Variants in CREB5 observed in about 807,000 individuals in gnomAD.
CREB5 encodes cAMP responsive element binding protein 5.
CREB5 carries 19 observed loss-of-function variants against 57.1 expected under a neutral mutation model. That is an observed-to-expected ratio of 0.33 (90% CI 0.23 to 0.49). The LOEUF (loss-of-function observed/expected upper bound fraction) is 0.49, where lower values mean the gene tolerates loss of function less well. Ranked by LOEUF, CREB5 falls within the 20% of genes least tolerant of loss-of-function variation. The pLI is 0.99. For synonymous variants in CREB5, 238 were observed against 238.3 expected (o/e 1.00, Z 0.01); for missense variants, 579 against 671.6 (o/e 0.86, Z 1.52).
intron 4 of CREB5, among the ~76,000 whole-genome samples, chr7:28,554,849 G>A (rs1257222588): frequency 1.3e-5 from 2 of 152,338 alleles, no homozygotes; most frequent in African/African-American, 2.4e-5. Context: ...TCACATGAGC[G>A]AGTCAAGGAG....
At chr7:28,379,323 C>A (rs1786911359) in intron 1 of CREB5, among the ~76,000 whole-genome samples, 1 of 152,210 alleles carries the variant, frequency 6.6e-6, no homozygotes, top group African/African-American at 2.4e-5. Context: ...CCAATTTAAG[C>A]TAATTGCGCT....
intron 5 of CREB5, among the ~76,000 whole-genome samples, chr7:28,584,025 G>T (rs984532741): frequency 6.6e-6 from 1 of 152,080 alleles, no homozygotes; most frequent in Non-Finnish European, 1.5e-5. Context: ...TTTTAGTTTA[G>T]TCTGCCAGGA....
At chr7:28,554,141 C>A (rs769169177) in intron 4 of CREB5, among the ~76,000 whole-genome samples, 1 of 152,192 alleles carries the variant, frequency 6.6e-6, no homozygotes, top group Non-Finnish European at 1.5e-5. Flanking sequence ...AGAAATGACA[C>A]TCTCTAAAAT....
chr7:28,306,546 G>GTTTTTTGTTTTTTTTTTTTTTTTTT (rs1785187073), intron 1 of CREB5, among the ~76,000 whole-genome samples: 1 of 93,494 alleles, frequency 1.1e-5, no homozygotes, highest in African/African-American at 5.0e-5. Flanking sequence ...ATACAGTTTT[G>GTTTTTTGTTTTTTTTTTTTTTTTTT]TTTTTTTTGT....
intron 5 of CREB5, among the ~76,000 whole-genome samples, chr7:28,644,279 C>A (rs1164718135): frequency 6.6e-6 from 1 of 152,142 alleles, no homozygotes; most frequent in Non-Finnish European, 1.5e-5. Flanking sequence ...TCACACTCAG[C>A]CTTGGGCTGC....
chr7:28,568,132 G>A (rs1795554737), intron 4 of CREB5, among the ~76,000 whole-genome samples: 1 of 152,180 alleles, frequency 6.6e-6, no homozygotes, highest in African/African-American at 2.4e-5. Context: ...TGGAAGAGAT[G>A]AGGGACACTT....
At chr7:28,728,567 C>A (rs1803454482) in intron 7 of CREB5, among the ~76,000 whole-genome samples, 1 of 152,180 alleles carries the variant, frequency 6.6e-6, no homozygotes, top group Non-Finnish European at 1.5e-5. Context: ...GACTCTGTAG[C>A]CTCACTAACT....
intron 4 of CREB5, among the ~76,000 whole-genome samples, chr7:28,547,224 G>T (rs1231149736): frequency 6.6e-6 from 1 of 152,066 alleles, no homozygotes; most frequent in Non-Finnish European, 1.5e-5. Flanking sequence ...AGTTCATCTA[G>T]GTCAATTTCC....
At chr7:28,517,254 C>T (rs1793005577) in intron 4 of CREB5, among the ~76,000 whole-genome samples, 2 of 152,174 alleles carry the variant, frequency 1.3e-5, no homozygotes, top group South Asian at 4.1e-4. Context: ...CTGTCTCTGC[C>T]TCCATCATCT....
intron 1 of CREB5, among the ~76,000 whole-genome samples, chr7:28,400,432 C>T (rs544480414): frequency 6.6e-6 from 1 of 152,264 alleles, no homozygotes; most frequent in South Asian, 2.1e-4. Context: ...TTTGACATAG[C>T]ATTAAATAGC....
At chr7:28,608,471 T>C (rs1488350299) in intron 5 of CREB5, among the ~76,000 whole-genome samples, 2 of 152,244 alleles carry the variant, frequency 1.3e-5, no homozygotes, top group East Asian at 3.9e-4. Flanking sequence ...TTAATGAGCC[T>C]GTGGTCAGAG....
chr7:28,496,677 C>A (rs1792068622), intron 3 of CREB5, among the ~76,000 whole-genome samples: 2 of 152,202 alleles, frequency 1.3e-5, no homozygotes, highest in Non-Finnish European at 2.9e-5. Flanking sequence ...GAGCCACCCA[C>A]ACATCCAGTG....
chr7:28,647,906 C>A (rs1206811053), intron 5 of CREB5, among the ~76,000 whole-genome samples: 1 of 151,896 alleles, frequency 6.6e-6, no homozygotes, highest in Non-Finnish European at 1.5e-5. Flanking sequence ...CATAGTGAGA[C>A]CCCCAACTCT....
At chr7:28,346,059 T>C (rs1786052976) in intron 1 of CREB5, among the ~76,000 whole-genome samples, 1 of 152,042 alleles carries the variant, frequency 6.6e-6, no homozygotes. Context: ...CCAGGTTGGG[T>C]TTACTGGGGA....
intron 5 of CREB5, among the ~76,000 whole-genome samples, chr7:28,595,595 G>A (rs1340350373): frequency 1.3e-5 from 2 of 152,110 alleles, no homozygotes; most frequent in Non-Finnish European, 2.9e-5. Context: ...AGGTCTTTTA[G>A]GGGTAAATCA....
rs1805804341 is a variant in CREB5, at chr7:28,763,816, T to TC, written c.702+39484_702+39485insC. On this transcript the variant is annotated intron_variant, in intron 7 of 10. Coordinates refer to ENST00000357727, the MANE Select transcript of CREB5 (RefSeq NM_182898.4). ...GGATATTATTATTATTATTATTTTT[T>TC]TTTGAGACAGGGTCTTGCTCTGTCA... is the stretch of plus-strand genomic sequence containing the variant. Among the ~76,000 whole-genome samples, 3 of 151,542 alleles carry TC rather than the reference T, an allele frequency of 2.0e-5. 1 individual carries two copies. Among genetic ancestry groups the TC allele is most frequent in the Admixed American group, 2.0e-4 (3 of 15,224 alleles).
intron 5 of CREB5, among the ~76,000 whole-genome samples, chr7:28,628,244 G>T (rs574989200): frequency 2.6e-4 from 39 of 151,828 alleles, no homozygotes; most frequent in Admixed American, 1.0e-3. Context: ...GGACTTTTGT[G>T]GTCTACATTT....
At chr7:28,589,687 C>A (rs955425708) in intron 5 of CREB5, among the ~76,000 whole-genome samples, 2 of 152,076 alleles carry the variant, frequency 1.3e-5, no homozygotes, top group African/African-American at 4.8e-5. Context: ...TGTGATTTTC[C>A]TTTCTAGAGT....
At chr7:28,638,238 A>C (rs1798502846) in intron 5 of CREB5, among the ~76,000 whole-genome samples, 1 of 148,568 alleles carries the variant, frequency 6.7e-6, no homozygotes, top group Admixed American at 6.8e-5. Context: ...CCTTCATTCA[A>C]ATTGCTATCT....
Sources: gnomAD v4.1 joint callset for allele counts (sites outside exome capture counted in the v4.1 genomes callset) on GRCh38, gnomAD v4.1.1 for gene constraint, MANE v1.5 for transcripts, NCBI Gene and HGNC (gene_info 2026-07-23, HGNC 2026-07-21) for gene names.